The following EXTL2 variants were observed in gnomAD, a reference collection of about 807,000 sequenced individuals.
The protein encoded by EXTL2 is exostosin like glycosyltransferase 2.
A neutral mutation model predicts 30.7 loss-of-function variants in EXTL2; 23 were observed. The observed-to-expected ratio is 0.75, with a 90% CI of 0.54 to 1.06. The LOEUF is 1.06. Ranked by LOEUF, EXTL2 falls within the 50% of genes least tolerant of loss-of-function variation. The pLI, the probability that EXTL2 is intolerant of heterozygous loss-of-function variation, is 0.00. For missense variants in EXTL2, 352 were observed against 396.3 expected, an observed-to-expected ratio of 0.89 and a Z score of 0.95; for synonymous variants, 123 against 133.8, an observed-to-expected ratio of 0.92 and a Z score of 0.56.
At chr1:100,887,743 C>T (rs946548699) in intron 2 of EXTL2, among the ~76,000 whole-genome samples, 5 of 151,668 alleles carry the variant, frequency 3.3e-5, no homozygotes, top group Non-Finnish European at 7.4e-5. Flanking sequence ...CTCACTCTGT[C>T]GCCCAGGCTG....
At position 100,874,063 on chromosome 1, in the gene EXTL2, A is replaced by G. The variant is rs372866342; in HGVS notation, c.872T>C (p.Leu291Pro). The G allele has an allele frequency of 5.0e-6, 8 of 1,613,090 alleles. No individual in the cohort carries two copies. Among genetic ancestry groups the G allele is most frequent in the Middle Eastern group, 1.7e-4 (1 of 6,020 alleles). ...SGMWHRAEHA[L>P]QRSYCINKLV... ...CTTATTTATACAATAAGACCTCTGCAGAGCGTGCTCAGCTCGATGCCACAT... is the reference window on the plus strand; with the variant it reads ...CTTATTTATACAATAAGACCTCTGCGGAGCGTGCTCAGCTCGATGCCACAT... Residue 291 changes from leucine (L) to proline (P), a missense_variant, in exon 5 of 5, where the codon CTG (leucine) becomes CCG (proline). Leu to Pro is a moderately conservative substitution (Grantham distance 98). Transcript: ENST00000370114.
rs964993686 is a variant in EXTL2 at position 100,893,767 on chromosome 1, C to G, written c.-72+866G>C. Among the ~76,000 whole-genome samples, 43 of 152,206 alleles carry G rather than the reference C, an allele frequency of 2.8e-4. 1 individual carries two copies. The highest frequency in any genetic ancestry group is 9.6e-4 in the African/African-American group (40 of 41,532). On this transcript the variant is annotated intron_variant, in intron 1 of 4. Coordinates refer to ENST00000370114, the MANE Select transcript of EXTL2 (RefSeq NM_001033025.3). The stretch of plus-strand genomic sequence containing the variant: ...ACACTTTTATATTGCAAATAAAATG[C>G]CTTTAGTTTTAAATTTGGTCATTAT...
At chr1:100,875,364 T>C (rs1037343076) in intron 4 of EXTL2, among the ~76,000 whole-genome samples, 1 of 151,870 alleles carries the variant, frequency 6.6e-6, no homozygotes, top group Non-Finnish European at 1.5e-5. Flanking sequence ...GAGAAAGTTG[T>C]TTTAAGTGCA....
chr1:100,876,891 T>C (rs1330447192), intron 3 of EXTL2, 27 bp from the exon 4 acceptor site: 16 of 1,534,116 alleles, frequency 1.0e-5, no homozygotes, highest in African/African-American at 2.7e-5. Flanking sequence ...AAAATTTAAG[T>C]TGAATAGTTC....
At position 100,873,944 on chromosome 1, in the gene EXTL2, A is replaced by G. The variant is rs372520087; in HGVS notation, c.991T>C (p.Ter331GlnextTer2). The change falls in exon 5 of 5, where the codon TAA becomes CAA. Residue 331 changes from the stop codon to glutamine (Q), a stop_lost. Coordinates refer to ENST00000370114, the MANE Select transcript of EXTL2 (RefSeq NM_001033025.3). The part of the protein sequence containing the change: ...FPYANYKRKI[*>Q] ...GTTTGTTTTTGTTTGTTTTACTTTT[A>G]TATTTTTCTTTTGTAGTTGGCATAT... The G allele has an allele frequency of 1.3e-5, 21 of 1,558,328 alleles. No individual in the cohort carries two copies. Among genetic ancestry groups the G allele is most frequent in the Non-Finnish European group, 1.8e-5 (21 of 1,156,892 alleles).
chr1:100,882,025 C>A (rs1649599564), intron 2 of EXTL2, among the ~76,000 whole-genome samples: 1 of 152,202 alleles, frequency 6.6e-6, no homozygotes, highest in Admixed American at 6.5e-5. Context: ...TGTGAGGGAT[C>A]TAGGCTGCAT....
intron 1 of EXTL2, among the ~76,000 whole-genome samples, chr1:100,893,246 T>G (rs1650572672): frequency 6.6e-6 from 1 of 152,268 alleles, no homozygotes; most frequent in Admixed American, 6.5e-5. Flanking sequence ...TTAAGAATTC[T>G]GATTGGTGAC....
chr1:100,878,314 T>C (rs1205072348), intron 2 of EXTL2: 16 of 423,604 alleles, frequency 3.8e-5, no homozygotes, highest in Middle Eastern at 3.4e-4. Flanking sequence ...CCATAATACA[T>C]GAGGCAGCAA....
At chr1:100,885,092 C>T (rs1310697941) in intron 2 of EXTL2, among the ~76,000 whole-genome samples, 1 of 152,234 alleles carries the variant, frequency 6.6e-6, no homozygotes, top group Non-Finnish European at 1.5e-5. Context: ...TGGGTCATCA[C>T]CCATCTGGTG....
At chr1:100,878,406 T>C (rs1479948790) in intron 2 of EXTL2, 1 of 470,990 alleles carries the variant, frequency 2.1e-6, no homozygotes, top group Non-Finnish European at 4.4e-6. Context: ...ATTCAACAGA[T>C]AGTTCCTGAG....
intron 1 of EXTL2, among the ~76,000 whole-genome samples, chr1:100,893,577 T>C (rs987274449): frequency 6.6e-6 from 1 of 152,216 alleles, no homozygotes; most frequent in Non-Finnish European, 1.5e-5. Flanking sequence ...ATAGAAGACA[T>C]TCATTAAATG....
chr1:100,892,483 T>C (rs1557963737), intron 1 of EXTL2, among the ~76,000 whole-genome samples: 1 of 152,194 alleles, frequency 6.6e-6, no homozygotes, highest in Non-Finnish European at 1.5e-5. Context: ...CTTTGAGGTT[T>C]TGGGACTCTG....
intron 2 of EXTL2, among the ~76,000 whole-genome samples, chr1:100,882,000 A>G (rs1176256870): frequency 6.6e-6 from 1 of 152,192 alleles, no homozygotes; most frequent in Non-Finnish European, 1.5e-5. Context: ...TGCAAACCCT[A>G]TTGTGAACTG....
Position 100,874,197 on chromosome 1 carries a change from A to C in EXTL2, c.738T>G (p.Ile246Met). 1 of 1,613,002 alleles carries C rather than the reference A, an allele frequency of 6.2e-7. No homozygotes were observed. Among genetic ancestry groups the C allele is most frequent in the South Asian group, 1.1e-5 (1 of 91,032 alleles). ...GCTTGGCAATGATAAAATTCATGGC[A>C]ATATCATCACAGTTTTGAGTATCAT... ...LIDDTQNCDD[I>M]AMNFIIAKHI... Residue 246 changes from isoleucine to methionine, a missense_variant, in exon 5 of 5, where the codon ATT (isoleucine) becomes ATG (methionine). Physicochemically the swap from Ile to Met is conservative, Grantham distance 10. Coordinates refer to ENST00000370114, the MANE Select transcript of EXTL2 (RefSeq NM_001033025.3).
intron 1 of EXTL2, among the ~76,000 whole-genome samples, chr1:100,892,268 G>T (rs1650487966): frequency 6.6e-6 from 1 of 152,134 alleles, no homozygotes; most frequent in African/African-American, 2.4e-5. Flanking sequence ...CTGCCAGCCT[G>T]GCTACGAAAA....
Position 100,883,838 on chromosome 1 carries a change from T to C in EXTL2, c.5+4915A>G, listed in dbSNP as rs370842626. On this transcript the variant is annotated intron_variant, in intron 2 of 4. Transcript: ENST00000370114. ...AACTGAAGTAGCTTTTCAAAGAGCA[T>C]TATTTGAAATTACAAGTAATTTTCT... Among the ~76,000 whole-genome samples the C allele has an allele frequency of 2.2e-4, 34 of 152,288 alleles. 1 individual carries two copies. The East Asian group carries it at 5.8e-3, about 26-fold the overall frequency.
intron 2 of EXTL2, chr1:100,878,428 T>C: frequency 2.1e-6 from 1 of 471,064 alleles, no homozygotes; most frequent in Non-Finnish European, 4.4e-6. Flanking sequence ...ACTTACTTTG[T>C]GCCACCACTG....
In EXTL2 at chr1:100,877,624, C is replaced by T. The variant is rs1249668399; in HGVS notation, c.285G>A (p.Val95=). ...HYQAVPNLHK[V]IVVWNNIGEK... is the part of the protein sequence containing the mutation. Reference sequence around the variant, plus strand: ...CTCCAATATTGTTCCATACCACAATCACTTTGTGCAGATTTGGTACAGCCT... The same window carrying T: ...CTCCAATATTGTTCCATACCACAATTACTTTGTGCAGATTTGGTACAGCCT... The change falls in exon 3 of 5, where the codon GTG becomes GTA. Residue 95 remains valine (V), a synonymous_variant. Transcript: ENST00000370114. The surrounding 1 kb of genome is among the most constrained non-coding windows in gnomAD (Gnocchi z 4.1). 3.7e-6 allele frequency: 6 copies of T among 1,613,614 alleles called. No individual in the cohort carries two copies. The highest frequency in any genetic ancestry group is 5.1e-6 in the Non-Finnish European group (6 of 1,179,668).
In EXTL2 at chr1:100,873,943, T is replaced by C. The variant is rs1648890613; in HGVS notation, c.992A>G (p.Ter331=). The C allele has an allele frequency of 4.5e-6, 7 of 1,557,944 alleles. No individual in the cohort carries two copies. Among genetic ancestry groups the C allele is most frequent in the Non-Finnish European group, 6.1e-6 (7 of 1,156,604 alleles). ...FPYANYKRKI[*] is the part of the protein sequence containing the mutation. Reference sequence around the variant, plus strand: ...GGTTTGTTTTTGTTTGTTTTACTTTTATATTTTTCTTTTGTAGTTGGCATA... The same window carrying C: ...GGTTTGTTTTTGTTTGTTTTACTTTCATATTTTTCTTTTGTAGTTGGCATA... Residue 331 remains the stop codon, a stop_retained_variant, in exon 5 of 5, where the codon TAA becomes TGA. Transcript: ENST00000370114.
Sources: gnomAD v4.1 joint callset for allele counts (sites outside exome capture counted in the v4.1 genomes callset) on GRCh38, gnomAD v4.1.1 for gene constraint, Gnocchi (gnomAD v3.1) non-coding constraint, MANE v1.5 for transcripts, NCBI Gene and HGNC (gene_info 2026-07-23, HGNC 2026-07-21) for gene names.